The following POU6F2 variants were observed in gnomAD, a reference collection of about 807,000 sequenced individuals.
POU6F2 encodes the protein POU domain, class 6, transcription factor 2.
In POU6F2, 31 loss-of-function variants were observed where a neutral mutation model predicts 71.3. That is an observed-to-expected ratio of 0.43 (90% CI 0.33 to 0.59). POU6F2 has a LOEUF of 0.59. Ranked by LOEUF, POU6F2 falls within the 20% of genes least tolerant of loss-of-function variation. The probability of loss-of-function intolerance (pLI) is 0.04; values close to 1 mark genes in which losing one functional copy is unlikely to be tolerated. For synonymous variants in POU6F2, 347 were observed against 355.7 expected (o/e 0.98, Z 0.27); for missense variants, 783 against 856.8 (o/e 0.91, Z 1.07).
intron 7 of POU6F2, among the ~76,000 whole-genome samples, chr7:39,434,623 GT>G (rs1399440671): frequency 6.7e-6 from 1 of 150,156 alleles, no homozygotes; most frequent in East Asian, 2.0e-4. Flanking sequence ...TGAGAGGTTT[GT>G]TTTTGGGTTT....
At position 39,460,709 on chromosome 7, in the gene POU6F2, T is replaced by C. The variant is rs1788927354; in HGVS notation, c.1652T>C (p.Ile551Thr). The change falls in exon 9 of 10, where the codon ATC becomes ACC. Residue 551 changes from isoleucine (I) to threonine (T), a missense_variant. Physicochemically the swap from Ile to Thr is moderately conservative, Grantham distance 89 (BLOSUM62 -1). Around this residue, in one of 2 missense-constraint regions of POU6F2, gnomAD observed 211 missense variants for 283.9 expected, o/e 0.74. Transcript: ENST00000518318. This position sits in a 1 kb window ranked among gnomAD's most constrained non-coding sequence, Gnocchi z 4.4. The part of the protein sequence containing the change: ...TEGPAYSQSA[I>T]CRHTILRSHF... ...GGCCCCGCGTACAGCCAGTCGGCCA[T>C]CTGCAGGTAACGCGCGCCTGCATGC... 6.3e-7 allele frequency: 1 copy of C among 1,598,656 alleles called. No homozygotes were observed. Among genetic ancestry groups the C allele is most frequent in the Non-Finnish European group, 8.5e-7 (1 of 1,171,786 alleles).
intron 4 of POU6F2, among the ~76,000 whole-genome samples, chr7:39,228,297 G>A (rs1434795782): frequency 6.6e-6 from 1 of 152,066 alleles, no homozygotes; most frequent in Non-Finnish European, 1.5e-5. Flanking sequence ...TTTTTCCTGA[G>A]AGCTGGCTAG....
chr7:39,280,954 C>G (rs10951599), intron 4 of POU6F2, among the ~76,000 whole-genome samples: 115,196 of 152,146 alleles, frequency 0.76, 43,731 homozygotes, highest in Middle Eastern at 0.85. Flanking sequence ...GGAGCACCCT[C>G]GTGCAAAATC....
At chr7:39,251,627 A>C (rs1025488100) in intron 4 of POU6F2, among the ~76,000 whole-genome samples, 1 of 152,206 alleles carries the variant, frequency 6.6e-6, no homozygotes, top group Admixed American at 6.5e-5. Flanking sequence ...AAGTAGAAAG[A>C]AATAAAAATA....
intron 2 of POU6F2, among the ~76,000 whole-genome samples, chr7:39,092,996 A>G (rs947834848): frequency 1.1e-4 from 17 of 152,270 alleles, no homozygotes; most frequent in African/African-American, 4.1e-4. Flanking sequence ...CTTCCACTTT[A>G]AAAAATTTCC....
At chr7:39,418,945 A>ATATATG (rs369711982) in intron 6 of POU6F2, among the ~76,000 whole-genome samples, 3 of 83,180 alleles carry the variant, frequency 3.6e-5, no homozygotes, top group African/African-American at 9.8e-5. Flanking sequence ...ATGTGTATAT[A>ATATATG]TGTATATATG....
At chr7:39,262,265 G>A (rs571055854) in intron 4 of POU6F2, among the ~76,000 whole-genome samples, 5 of 152,178 alleles carry the variant, frequency 3.3e-5, no homozygotes, top group Non-Finnish European at 7.3e-5. Context: ...ACTGGCAACT[G>A]TCAAACATGG....
At chr7:39,123,283 TGG>T (rs1792081883) in intron 2 of POU6F2, among the ~76,000 whole-genome samples, 1 of 152,200 alleles carries the variant, frequency 6.6e-6, no homozygotes, top group African/African-American at 2.4e-5. Flanking sequence ...TATGTTCCTA[TGG>T]CAGTGAATAC....
chr7:39,028,013 C>A (rs1205952890), intron 1 of POU6F2, among the ~76,000 whole-genome samples: 1 of 152,062 alleles, frequency 6.6e-6, no homozygotes, highest in Non-Finnish European at 1.5e-5. Context: ...TGGTATAACC[C>A]AATTATTAAT....
intron 2 of POU6F2, among the ~76,000 whole-genome samples, chr7:39,170,606 A>C (rs1337161650): frequency 2.0e-5 from 3 of 152,202 alleles, no homozygotes; most frequent in East Asian, 3.8e-4. Flanking sequence ...TAATCCTATA[A>C]AATTATTAAC....
chr7:39,462,000 G>T (rs1299218069), intron 9 of POU6F2, among the ~76,000 whole-genome samples: 2 of 152,178 alleles, frequency 1.3e-5, no homozygotes, highest in Admixed American at 1.3e-4. Context: ...TGACAGCCTT[G>T]GGATAAAGGC....
intron 4 of POU6F2, among the ~76,000 whole-genome samples, chr7:39,322,826 TC>T (rs1785423880): frequency 6.6e-6 from 1 of 152,156 alleles, no homozygotes; most frequent in African/African-American, 2.4e-5. Context: ...TCTATACCAT[TC>T]CCCCAAATTA....
At chr7:39,434,220 C>T (rs1482777766) in intron 7 of POU6F2, among the ~76,000 whole-genome samples, 2 of 151,892 alleles carry the variant, frequency 1.3e-5, no homozygotes, top group African/African-American at 4.8e-5. Flanking sequence ...GGCACAAAGG[C>T]AGGGAAATGG....
chr7:39,009,307 T>C (rs1789187420), intron 1 of POU6F2, among the ~76,000 whole-genome samples: 1 of 151,946 alleles, frequency 6.6e-6, no homozygotes, highest in Admixed American at 6.6e-5. Flanking sequence ...AATTCACTCA[T>C]GATTTGGCTC....
rs1444597425 is a variant in POU6F2 at position 39,467,783 on chromosome 7, C to T, written c.*3097C>T. The T allele has an allele frequency of 3.9e-5, 6 of 152,078 alleles. No homozygotes were observed. The East Asian group carries it at 1.2e-3, about 29-fold the overall frequency. The allele number at this position is 152,078 out of a possible 1,614,324, so 9.4% of individuals were successfully genotyped here. On this transcript the variant is annotated 3_prime_UTR_variant, in exon 10 of 10. Coordinates refer to ENST00000518318, the MANE Select transcript of POU6F2 (RefSeq NM_001370959.1). ...GAGCTAGGAAAAAAACAAAACAAAA[C>T]AAGTAGAGGTGTATCAAAGAACTCA...
At chr7:39,170,610 T>C (rs1793198924) in intron 2 of POU6F2, among the ~76,000 whole-genome samples, 1 of 152,152 alleles carries the variant, frequency 6.6e-6, no homozygotes, top group Non-Finnish European at 1.5e-5. Flanking sequence ...CCTATAAAAT[T>C]ATTAACCATT....
intron 4 of POU6F2, among the ~76,000 whole-genome samples, chr7:39,336,970 T>C (rs1198299416): frequency 6.6e-6 from 1 of 152,246 alleles, no homozygotes; most frequent in African/African-American, 2.4e-5. Context: ...CAGACTTGCT[T>C]TTCAAGTGCT....
At chr7:39,414,601 G>C (rs913459126) in intron 6 of POU6F2, among the ~76,000 whole-genome samples, 4 of 152,220 alleles carry the variant, frequency 2.6e-5, no homozygotes, top group African/African-American at 9.6e-5. Context: ...GGGCGGCCCA[G>C]CTGCGGACGC....
intron 4 of POU6F2, among the ~76,000 whole-genome samples, chr7:39,248,523 T>G (rs1453596677): frequency 1.3e-5 from 2 of 152,176 alleles, no homozygotes; most frequent in African/African-American, 4.8e-5. Context: ...CGCCCAGAGA[T>G]CACAGAAATC....
Sources: allele counts gnomAD v4.1 joint callset (sites outside exome capture counted in the v4.1 genomes callset), GRCh38; gene constraint gnomAD v4.1.1; regional missense constraint gnomAD v4.1.1; non-coding constraint Gnocchi (gnomAD v3.1); transcripts MANE v1.5; gene names NCBI Gene and HGNC (gene_info 2026-07-23, HGNC 2026-07-21).